The following SLC4A5 variants were observed in gnomAD, a reference collection of about 807,000 sequenced individuals.
SLC4A5 encodes the protein electrogenic sodium bicarbonate cotransporter 4.
A neutral mutation model predicts 120.4 loss-of-function variants in SLC4A5; 96 were observed. The ratio of observed to expected loss-of-function variants is 0.80; its 90% CI spans 0.68 to 0.94. The LOEUF (loss-of-function observed/expected upper bound fraction) is 0.94. SLC4A5 is among the 40% of genes least tolerant of loss of function. The probability of loss-of-function intolerance (pLI) is 0.00; values close to 1 mark genes in which losing one functional copy is unlikely to be tolerated. For synonymous variants in SLC4A5, 550 were observed against 571.1 expected, an observed-to-expected ratio of 0.96 and a Z score of 0.53; for missense variants, 1,259 against 1,459.5, an observed-to-expected ratio of 0.86 and a Z score of 2.24.
At chr2:74,235,861 G>A (rs1042031221) in intron 21 of SLC4A5, among the ~76,000 whole-genome samples, 2 of 151,992 alleles carry the variant, frequency 1.3e-5, no homozygotes, top group African/African-American at 4.8e-5. Flanking sequence ...AATGTCCTCC[G>A]ACCTCCCCTC....
chr2:74,284,361 T>C (rs1558894566), intron 8 of SLC4A5, among the ~76,000 whole-genome samples: 2 of 104,836 alleles, frequency 1.9e-5, no homozygotes, highest in Non-Finnish European at 3.4e-5. Context: ...TTTGTATTTT[T>C]AGTAGAGACG....
chr2:74,280,852 T>C (rs1193965842), intron 8 of SLC4A5, among the ~76,000 whole-genome samples: 5 of 152,034 alleles, frequency 3.3e-5, no homozygotes, highest in Non-Finnish European at 2.9e-5. Context: ...GCCTGGTTAA[T>C]TTTTTTGTAT....
At chr2:74,325,179 T>C (rs1428934656) in intron 5 of SLC4A5, among the ~76,000 whole-genome samples, 1 of 152,344 alleles carries the variant, frequency 6.6e-6, no homozygotes, top group East Asian at 1.9e-4. Flanking sequence ...TATTTCCTAT[T>C]TGAAGTACTA....
At chr2:74,227,278 G>T in intron 26 of SLC4A5, 148 bp from the exon 27 acceptor site, 1 of 1,015,308 alleles carries the variant, frequency 9.8e-7, no homozygotes, top group Non-Finnish European at 1.4e-6. Flanking sequence ...GGGGCTGGAG[G>T]TGTCTAGGCG....
chr2:74,251,360 T>G (rs1320972571), intron 16 of SLC4A5, among the ~76,000 whole-genome samples: 1 of 151,968 alleles, frequency 6.6e-6, no homozygotes, highest in East Asian at 1.9e-4. Context: ...AAGTCATGAT[T>G]TATATGTAGA....
Position 74,226,971 on chromosome 2 carries a change from T to C in SLC4A5, c.3076A>G (p.Ile1026Val), listed in dbSNP as rs746203118. The C allele has an allele frequency of 9.9e-6, 16 of 1,613,502 alleles. No individual in the cohort carries two copies. In the East Asian group the frequency reaches 3.3e-4, roughly 34 times the overall value. ...GCCCACTTTACCATGACCGGGAAGA[T>C]GATGGCAGCCACCGTGGATTTGAGG... The change falls in exon 27 of 31, where the codon ATC becomes GTC. Residue 1026 changes from isoleucine to valine, a missense_variant. Physicochemically the swap from Ile to Val is conservative, Grantham distance 29 (BLOSUM62 3). Coordinates refer to ENST00000394019, the Ensembl canonical transcript of SLC4A5.
chr2:74,259,979 C>T (rs1456856404), intron 11 of SLC4A5, among the ~76,000 whole-genome samples: 1 of 152,160 alleles, frequency 6.6e-6, no homozygotes, highest in Non-Finnish European at 1.5e-5. Context: ...GGAGGAGGGA[C>T]ACAGACGCAT....
At chr2:74,266,875 C>T (rs1486534931) in intron 8 of SLC4A5, among the ~76,000 whole-genome samples, 1 of 152,072 alleles carries the variant, frequency 6.6e-6, no homozygotes, top group Non-Finnish European at 1.5e-5. Context: ...AGTAAAATAA[C>T]ATATAAATCA....
At chr2:74,301,311 C>A (rs1259149743) in intron 7 of SLC4A5, among the ~76,000 whole-genome samples, 2 of 152,186 alleles carry the variant, frequency 1.3e-5, no homozygotes, top group Non-Finnish European at 2.9e-5. Flanking sequence ...TGGATCTTTG[C>A]CATTATTCTG....
chr2:74,221,276 G>C (rs914578721), intron 30 of SLC4A5, among the ~76,000 whole-genome samples, 158 bp downstream of exon 30: 41 of 152,244 alleles, frequency 2.7e-4, no homozygotes, highest in African/African-American at 8.9e-4. Context: ...GGCCCTGAAT[G>C]ATGAGTCAGG....
At chr2:74,230,785 CTG>C (rs1435756793) in intron 25 of SLC4A5, among the ~76,000 whole-genome samples, 1 of 152,074 alleles carries the variant, frequency 6.6e-6, no homozygotes, top group Admixed American at 6.6e-5. Flanking sequence ...CCTAGTAAGA[CTG>C]TGCCTTTCTT....
At chr2:74,221,371 A>G in intron 30 of SLC4A5, 63 bp downstream of exon 30, 1 of 1,315,104 alleles carries the variant, frequency 7.6e-7, no homozygotes, top group Middle Eastern at 1.8e-4. Flanking sequence ...TAGACCCTCC[A>G]CCTTCCCGGC....
intron 21 of SLC4A5, among the ~76,000 whole-genome samples, chr2:74,236,039 A>G (rs1168648851): frequency 6.6e-6 from 1 of 152,234 alleles, no homozygotes; most frequent in Non-Finnish European, 1.5e-5. Context: ...TGTTATTAAC[A>G]TAACATATGT....
intron 4 of SLC4A5, among the ~76,000 whole-genome samples, chr2:74,328,626 G>A (rs971071065): frequency 6.6e-6 from 1 of 151,586 alleles, no homozygotes; most frequent in Non-Finnish European, 1.5e-5. Flanking sequence ...GCCCAGAGAG[G>A]GGCAGTGGCA....
chr2:74,240,992 C>T (rs143846825), intron 20 of SLC4A5, among the ~76,000 whole-genome samples: 504 of 152,134 alleles, frequency 3.3e-3, no homozygotes, highest in Non-Finnish European at 5.8e-3. Flanking sequence ...CTCCTGAAGA[C>T]CACTGTCATT....
chr2:74,297,143 C>T (rs1345361665), intron 7 of SLC4A5, among the ~76,000 whole-genome samples: 1 of 152,168 alleles, frequency 6.6e-6, no homozygotes. Context: ...ATAAGCTTCT[C>T]AGTACCAACG....
intron 3 of SLC4A5, among the ~76,000 whole-genome samples, 196 bp from the exon 4 acceptor site, chr2:74,334,373 C>G (rs1009599318): frequency 2.0e-5 from 3 of 152,188 alleles, no homozygotes; most frequent in Non-Finnish European, 2.9e-5. Context: ...CTCTAACACC[C>G]CAGGCTCATT....
intron 8 of SLC4A5, among the ~76,000 whole-genome samples, chr2:74,271,847 CA>C (rs897897912): frequency 4.6e-5 from 7 of 151,982 alleles, no homozygotes; most frequent in Non-Finnish European, 8.8e-5. Flanking sequence ...CTTGTAATCC[CA>C]GCGCTCTGGG....
chr2:74,222,749 G>T, intron 29 of SLC4A5, 119 bp downstream of exon 29: 1 of 901,912 alleles, frequency 1.1e-6, no homozygotes, highest in Non-Finnish European at 1.8e-6. Flanking sequence ...AAAAAGTTGG[G>T]GACTGCTGCT....
Sources: gnomAD v4.1 joint callset for allele counts (sites outside exome capture counted in the v4.1 genomes callset) on GRCh38, gnomAD v4.1.1 for gene constraint, MANE v1.5 for transcripts, NCBI Gene and HGNC (gene_info 2026-07-23, HGNC 2026-07-21) for gene names.